Variants in NUP153 observed in about 807,000 individuals in gnomAD.
NUP153 encodes the protein nucleoporin 153, also known as nuclear pore complex protein Nup153.
A neutral mutation model predicts 134.6 loss-of-function variants in NUP153; 27 were observed. That is an observed-to-expected ratio of 0.20 (90% CI 0.15 to 0.28). The LOEUF (loss-of-function observed/expected upper bound fraction) is 0.28. NUP153 is among the 10% of genes least tolerant of loss of function. NUP153 has a pLI of 1.00. For missense variants in NUP153, 1,821 were observed against 1,731.3 expected (o/e 1.05, Z -0.92); for synonymous variants, 640 against 623.5 (o/e 1.03, Z -0.40).
rs1770483881 is a variant in NUP153 at position 17,706,199 on chromosome 6, G to C, written c.111+78C>G. ...CCCTCCTGTCTGCTCCACGTGGGGC[G>C]CCGGGGCCTCGAACCGCCCGTCCCC... On this transcript the variant is annotated intron_variant, in intron 1 of 21. Coordinates refer to ENST00000262077, the MANE Select transcript of NUP153 (RefSeq NM_005124.4). The surrounding 1 kb of genome is among the most constrained non-coding windows in gnomAD (Gnocchi z 5.9). The C allele has an allele frequency of 5.1e-6, 6 of 1,165,566 alleles. No individual in the cohort carries two copies. The highest frequency in any genetic ancestry group is 7.6e-6 in the Non-Finnish European group (6 of 785,816). The allele number at this position is 1,165,566 out of a possible 1,614,324, so 72.2% of individuals were successfully genotyped here. A position where few individuals can be genotyped will look rare whatever the true frequency, so the allele number is the denominator to read the frequency against.
chr6:17,668,416 A>AT (rs1767683460), intron 8 of NUP153, among the ~76,000 whole-genome samples: 1 of 152,076 alleles, frequency 6.6e-6, no homozygotes, highest in Non-Finnish European at 1.5e-5. Flanking sequence ...AGGTAACAGT[A>AT]AGCCATAAAG....
At position 17,640,031 on chromosome 6, in the gene NUP153, C is replaced by G. The variant is rs1561866838; in HGVS notation, c.1754G>C (p.Cys585Ser). Residue 585 changes from cysteine to serine, a missense_variant, in exon 15 of 22, where the codon TGT becomes TCT. Coordinates refer to ENST00000262077, the MANE Select transcript of NUP153 (RefSeq NM_005124.4). ...HHVTTVNSTN[C>S]KKTPPEDCEG... ...ACAATCTTCAGGTGGTGTCTTCTTA[C>G]AATTTGTACTGTTCACTGTAGTGAC... 6.2e-7 allele frequency: 1 copy of G among 1,610,880 alleles called. No homozygotes were observed.
At chr6:17,646,741 CT>C (rs368142844) in intron 13 of NUP153, among the ~76,000 whole-genome samples, 45 of 145,912 alleles carry the variant, frequency 3.1e-4, no homozygotes, top group Admixed American at 5.5e-4. Context: ...ATTTTCTTTC[CT>C]TTTTTTTTTG....
intron 13 of NUP153, among the ~76,000 whole-genome samples, chr6:17,646,797 C>T (rs1766210904): frequency 6.6e-6 from 1 of 151,078 alleles, no homozygotes; most frequent in Non-Finnish European, 1.5e-5. Flanking sequence ...TGGAGTGCAA[C>T]GGCACAATCT....
chr6:17,685,290 G>T (rs1265585393), intron 2 of NUP153, among the ~76,000 whole-genome samples: 1 of 152,296 alleles, frequency 6.6e-6, no homozygotes, highest in East Asian at 1.9e-4. Context: ...GCTCACGCCT[G>T]TAATCCCAAC....
intron 1 of NUP153, among the ~76,000 whole-genome samples, chr6:17,702,346 A>C (rs1237633919): frequency 1.3e-5 from 2 of 152,140 alleles, no homozygotes; most frequent in African/African-American, 4.8e-5. Flanking sequence ...TCTCTGCTAA[A>C]AATACAAAAA....
intron 20 of NUP153, among the ~76,000 whole-genome samples, chr6:17,624,265 C>T (rs1284233938): frequency 6.6e-6 from 1 of 152,104 alleles, no homozygotes; most frequent in Non-Finnish European, 1.5e-5. Context: ...CACTTCAAAG[C>T]TAGCCTTGCA....
At position 17,647,836 on chromosome 6, in the gene NUP153, T is replaced by G; in HGVS notation, c.1603A>C (p.Thr535Pro). 1 of 1,611,546 alleles carries G rather than the reference T, an allele frequency of 6.2e-7. No individual in the cohort carries two copies. Among genetic ancestry groups the G allele is most frequent in the Non-Finnish European group, 8.5e-7 (1 of 1,177,716 alleles). Residue 535 changes from threonine (T) to proline (P), a missense_variant, in exon 13 of 22, where the codon ACT (threonine) becomes CCT (proline). Coordinates refer to ENST00000262077, the MANE Select transcript of NUP153 (RefSeq NM_005124.4). ...GATGGAGGTAGTACATTTGCCTCAG[T>G]AGATTTTACGATTGGAGATGAAAAT... ...FKFSSPIVKSTEANVLPPSSI... is the reference protein window; with the variant it reads ...FKFSSPIVKSPEANVLPPSSI...
chr6:17,642,222 A>C (rs1765876046), intron 14 of NUP153, among the ~76,000 whole-genome samples: 1 of 152,232 alleles, frequency 6.6e-6, no homozygotes, highest in South Asian at 2.1e-4. Context: ...AGAAGAAAAA[A>C]ATGGACTTCA....
At chr6:17,652,803 C>G (rs1026833887) in intron 11 of NUP153, among the ~76,000 whole-genome samples, 20 of 152,058 alleles carry the variant, frequency 1.3e-4, no homozygotes, top group African/African-American at 4.8e-4. Context: ...GCAGGTGGAT[C>G]ACCTAAGGTC....
At chr6:17,664,946 G>A (rs948847526) in intron 9 of NUP153, among the ~76,000 whole-genome samples, 2 of 150,664 alleles carry the variant, frequency 1.3e-5, no homozygotes, top group Admixed American at 6.7e-5. Context: ...CCAGCTACTC[G>A]GGGGGCTGAA....
rs1766159657 is a variant in NUP153, at chr6:17,646,084, G to A, written c.1703C>T (p.Pro568Leu). The change falls in exon 14 of 22, where the codon CCA (proline) becomes CTA (leucine). Residue 568 changes from proline (P) to leucine (L), a missense_variant. Transcript: ENST00000262077. Reference protein sequence around the residue: ...ELSGSSSTLEPIISSSAHHVT... With the variant: ...ELSGSSSTLELIISSSAHHVT... The stretch of plus-strand genomic sequence containing the variant: ...TTACTTACCTGAACTACTTATAATT[G>A]GTTCTAAAGTACTACTAGAACCAGA... 1 of 1,563,486 alleles carries A rather than the reference G, an allele frequency of 6.4e-7. No homozygotes were observed. Among genetic ancestry groups the A allele is most frequent in the Admixed American group, 1.7e-5 (1 of 58,938 alleles).
chr6:17,642,713 A>C (rs902140583), intron 14 of NUP153, among the ~76,000 whole-genome samples: 21 of 152,228 alleles, frequency 1.4e-4, no homozygotes, highest in African/African-American at 4.8e-4. Context: ...TGAAACCAGT[A>C]CTCAAACAAA....
At chr6:17,667,703 G>A (rs541947103) in intron 8 of NUP153, among the ~76,000 whole-genome samples, 3 of 152,234 alleles carry the variant, frequency 2.0e-5, no homozygotes, top group African/African-American at 4.8e-5. Flanking sequence ...GTGACAGAGC[G>A]AGACGCTGCC....
chr6:17,689,427 A>C (rs1769147555), intron 1 of NUP153, among the ~76,000 whole-genome samples: 1 of 151,720 alleles, frequency 6.6e-6, no homozygotes, highest in Non-Finnish European at 1.5e-5. Context: ...AAAAAAAAAC[A>C]ATCCAACAAA....
intron 1 of NUP153, among the ~76,000 whole-genome samples, chr6:17,690,257 C>T (rs528587331): frequency 1.5e-4 from 16 of 109,750 alleles, no homozygotes; most frequent in African/African-American, 3.6e-4. Flanking sequence ...GAGGCTGAGG[C>T]AGGAGAATGG....
intron 20 of NUP153, among the ~76,000 whole-genome samples, chr6:17,620,873 T>C (rs1764613630): frequency 6.6e-6 from 1 of 152,060 alleles, no homozygotes; most frequent in South Asian, 2.1e-4. Context: ...AGAGGGACTA[T>C]ATTAAACTGA....
At chr6:17,670,686 C>T (rs970120192) in intron 5 of NUP153, among the ~76,000 whole-genome samples, 1 of 151,852 alleles carries the variant, frequency 6.6e-6, no homozygotes, top group Non-Finnish European at 1.5e-5. Flanking sequence ...CTCAACTATA[C>T]CTAGGTTTGT....
chr6:17,657,401 T>A (rs12208946), intron 11 of NUP153, among the ~76,000 whole-genome samples: 34,959 of 140,090 alleles, frequency 0.25, 4,530 homozygotes, highest in Non-Finnish European at 0.3. Context: ...AATAAAAAAA[T>A]AAAAAAAAAA....
Sources: gnomAD v4.1 joint callset for allele counts (sites outside exome capture counted in the v4.1 genomes callset) on GRCh38, gnomAD v4.1.1 for gene constraint, Gnocchi (gnomAD v3.1) non-coding constraint, MANE v1.5 for transcripts, NCBI Gene and HGNC (gene_info 2026-07-23, HGNC 2026-07-21) for gene names.